The following CUL5 variants were observed in gnomAD, a reference collection of about 807,000 sequenced individuals.
CUL5 encodes cullin-5.
In CUL5, 26 loss-of-function variants were observed where a neutral mutation model predicts 108.8. The ratio of observed to expected loss-of-function variants is 0.24; its 90% CI spans 0.18 to 0.33. The LOEUF (loss-of-function observed/expected upper bound fraction) is 0.33. Ranked by LOEUF, CUL5 falls within the 10% of genes least tolerant of loss-of-function variation. The probability of loss-of-function intolerance (pLI) is 1.00; values close to 1 mark genes in which losing one functional copy is unlikely to be tolerated. For synonymous variants in CUL5, 334 were observed against 298.0 expected (o/e 1.12, Z -1.25); for missense variants, 524 against 909.2 (o/e 0.58, Z 5.45).
At chr11:108,073,289 C>A in intron 9 of CUL5, 101 bp from the exon 10 acceptor site, 1 of 595,220 alleles carries the variant, frequency 1.7e-6, no homozygotes, top group Non-Finnish European at 3.0e-6. Context: ...AAAAAATATC[C>A]CCAGTTTTAA....
At chr11:108,070,426 G>A (rs1007068822) in intron 8 of CUL5, among the ~76,000 whole-genome samples, 1 of 152,036 alleles carries the variant, frequency 6.6e-6, no homozygotes, top group Admixed American at 6.6e-5. Flanking sequence ...GTATGTGTAT[G>A]GTGAATTTCT....
chr11:108,052,254 G>A lies in CUL5; in HGVS notation c.412-406G>A, dbSNP rs557084342. ...CCAAGGTTTTGGGATTAGACCACAC[G>A]CAGTCGACCCTTCTTTACCATTATG... On this transcript the variant is annotated intron_variant, in intron 4 of 18. Coordinates refer to ENST00000393094, the MANE Select transcript of CUL5 (RefSeq NM_003478.6). Among the ~76,000 whole-genome samples the A allele has an allele frequency of 2.6e-5, 4 of 152,186 alleles. No individual in the cohort carries two copies. In the South Asian group the frequency reaches 8.3e-4, roughly 32 times the overall value.
intron 1 of CUL5, among the ~76,000 whole-genome samples, chr11:108,013,837 G>C (rs766841025): frequency 6.6e-6 from 1 of 152,072 alleles, no homozygotes; most frequent in Non-Finnish European, 1.5e-5. Flanking sequence ...GGGAGGATGA[G>C]GTGAGAGGAT....
chr11:108,052,619 A>G (rs767219636), intron 4 of CUL5, 41 bp from the exon 5 acceptor site: 1 of 1,540,328 alleles, frequency 6.5e-7, no homozygotes, highest in Non-Finnish European at 8.9e-7. Flanking sequence ...TTGTATATTA[A>G]TAATTGAAAA....
chr11:108,055,076 C>T (rs1591302341), intron 7 of CUL5, 121 bp downstream of exon 7: 1 of 785,432 alleles, frequency 1.3e-6, no homozygotes, highest in East Asian at 2.7e-5. Context: ...GATTTTAGTT[C>T]TTTTTGCCTA....
At chr11:108,101,026 TAA>T (rs1197994566) in intron 18 of CUL5, among the ~76,000 whole-genome samples, 3 of 151,344 alleles carry the variant, frequency 2.0e-5, no homozygotes, top group Admixed American at 6.6e-5. Flanking sequence ...AGACTCCATC[TAA>T]AAAAAAAGAG....
chr11:108,018,181 G>A (rs1327925337), intron 1 of CUL5, among the ~76,000 whole-genome samples: 1 of 152,200 alleles, frequency 6.6e-6, no homozygotes, highest in Non-Finnish European at 1.5e-5. Context: ...AGACCTGAAT[G>A]ATCTGCATTC....
intron 2 of CUL5, among the ~76,000 whole-genome samples, chr11:108,035,298 C>G (rs118096972): frequency 6.6e-6 from 1 of 152,260 alleles, no homozygotes. Flanking sequence ...ATACATAAGA[C>G]CAATCAGCAG....
At chr11:108,080,919 G>C (rs1211979740) in intron 11 of CUL5, among the ~76,000 whole-genome samples, 1 of 151,604 alleles carries the variant, frequency 6.6e-6, no homozygotes, top group African/African-American at 2.4e-5. Flanking sequence ...TTTGCTTTTG[G>C]TTTGGTTTCA....
chr11:108,028,085 C>T (rs981529546), intron 1 of CUL5, among the ~76,000 whole-genome samples: 6 of 152,158 alleles, frequency 3.9e-5, no homozygotes, highest in Non-Finnish European at 8.8e-5. Flanking sequence ...TTTTAAAACC[C>T]ATCTGTATTC....
rs1478294651 is a variant in CUL5 at position 108,106,438 on chromosome 11, C to T, written c.*2054C>T. 6.6e-6 allele frequency: 1 copy of T among 151,928 alleles called. No homozygotes were observed. The highest frequency in any genetic ancestry group is 1.5e-5 in the Non-Finnish European group (1 of 67,902). The allele number at this position is 151,928 out of a possible 1,614,324, so 9.4% of individuals were successfully genotyped here. A position where few individuals can be genotyped will look rare whatever the true frequency, so the allele number is the denominator to read the frequency against. ...AAAGTGGGTAACACTACATTCATAG[C>T]AAAGTTTTTTATTAAATTTTATAAA... is the stretch of plus-strand genomic sequence containing the variant. On this transcript the variant is annotated 3_prime_UTR_variant, in exon 19 of 19. Transcript: ENST00000393094.
At position 108,009,246 on chromosome 11, in the gene CUL5, C is replaced by T. The variant is rs542539965; in HGVS notation, c.-103C>T. The T allele has an allele frequency of 5.4e-6, 7 of 1,302,286 alleles. No individual in the cohort carries two copies. Among genetic ancestry groups the T allele is most frequent in the African/African-American group, 4.4e-5 (3 of 68,782 alleles). 80.7% of individuals were successfully genotyped at this position (1,302,286 alleles called of 1,614,324 possible). On this transcript the variant is annotated 5_prime_UTR_variant, in exon 1 of 19. An upstream open reading frame in the 5' UTR gains an earlier in-frame stop. Transcript: ENST00000393094. ...GCGCCCACCACACCCTGGTGCGGGC[C>T]GACGGGCCCTGGGCCCTGGTGGGAG...
chr11:108,075,815 T>C (rs1863928388), intron 10 of CUL5, among the ~76,000 whole-genome samples: 1 of 152,090 alleles, frequency 6.6e-6, no homozygotes, highest in Admixed American at 6.6e-5. Flanking sequence ...CCACCACCCC[T>C]GGCCCCCTTT....
chr11:108,033,497 T>A (rs1156931323), intron 1 of CUL5, among the ~76,000 whole-genome samples: 1 of 152,212 alleles, frequency 6.6e-6, no homozygotes, highest in Non-Finnish European at 1.5e-5. Flanking sequence ...CCCAAAGACA[T>A]ACTTTTTAGA....
At chr11:108,047,824 A>G (rs904975806) in intron 3 of CUL5, among the ~76,000 whole-genome samples, 1 of 152,214 alleles carries the variant, frequency 6.6e-6, no homozygotes, top group Non-Finnish European at 1.5e-5. Context: ...ATAAAGATAA[A>G]TTATGTTTAT....
chr11:108,098,464 A>G lies in CUL5; in HGVS notation c.2083A>G (p.Thr695Ala). 1 of 1,603,824 alleles carries G rather than the reference A, an allele frequency of 6.2e-7. No homozygotes were observed. Among genetic ancestry groups the G allele is most frequent in the Non-Finnish European group, 8.5e-7 (1 of 1,175,386 alleles). Residue 695 changes from threonine to alanine, a missense_variant, in exon 18 of 19, where the codon ACT (threonine) becomes GCT (alanine). Physicochemically the swap from Thr to Ala is moderately conservative, Grantham distance 58 (BLOSUM62 0). Around this residue, in one of 8 missense-constraint regions of CUL5, gnomAD observed 66 missense variants for 81.4 expected, o/e 0.81. Coordinates refer to ENST00000393094, the MANE Select transcript of CUL5 (RefSeq NM_003478.6). ...KINLIGRLQL[T>A]TERMREEENE... ...CAACTTGATTGGACGTTTGCAGCTC[A>G]CTACAGAAAGGATGAGAGAAGAAGA...
At chr11:108,088,476 A>G (rs1864276023) in intron 11 of CUL5, 51 bp from the exon 12 acceptor site, 1 of 1,534,740 alleles carries the variant, frequency 6.5e-7, no homozygotes, top group African/African-American at 1.4e-5. Flanking sequence ...GAAAAAAATA[A>G]TTGCAAACAT....
intron 2 of CUL5, among the ~76,000 whole-genome samples, chr11:108,046,054 GAATT>G (rs1291393557): frequency 5.9e-5 from 9 of 152,022 alleles, no homozygotes; most frequent in African/African-American, 1.9e-4. Context: ...AAGTAGCAGA[GAATT>G]AAAGAGGAAA....
intron 10 of CUL5, among the ~76,000 whole-genome samples, chr11:108,076,585 C>T (rs1863946879): frequency 6.6e-6 from 1 of 151,980 alleles, no homozygotes; most frequent in Non-Finnish European, 1.5e-5. Flanking sequence ...TCCAGGCTTC[C>T]GTCATATATA....
Sources: gnomAD v4.1 joint callset for allele counts (sites outside exome capture counted in the v4.1 genomes callset) on GRCh38, gnomAD v4.1.1 for gene constraint, gnomAD v4.1.1 regional missense constraint, MANE v1.5 for transcripts, NCBI Gene and HGNC (gene_info 2026-07-23, HGNC 2026-07-21) for gene names.